The following TRHDE variants were observed in gnomAD, a reference collection of about 807,000 sequenced individuals.
TRHDE encodes thyrotropin-releasing hormone-degrading ectoenzyme.
A neutral mutation model predicts 125.7 loss-of-function variants in TRHDE; 72 were observed. The observed-to-expected ratio is 0.57, with a 90% confidence interval of 0.47 to 0.70. TRHDE has a LOEUF of 0.70. Among genes scored for constraint, TRHDE ranks in the 30% least tolerant of loss-of-function variants. TRHDE has a pLI of 0.00. For synonymous variants in TRHDE, 509 were observed against 509.1 expected (o/e 1.00, Z 0.00); for missense variants, 1,110 against 1,327.1 (o/e 0.84, Z 2.54).
At chr12:72,230,710 A>AGACC (rs1878230662) in intron 2 of TRHDE, among the ~76,000 whole-genome samples, 1 of 152,122 alleles carries the variant, frequency 6.6e-6, no homozygotes, top group Admixed American at 6.6e-5. Flanking sequence ...GGACACAGAA[A>AGACC]GACCCATCGA....
At chr12:72,400,592 C>T (rs1198565022) in intron 3 of TRHDE, among the ~76,000 whole-genome samples, 1 of 152,094 alleles carries the variant, frequency 6.6e-6, no homozygotes, top group Admixed American at 6.6e-5. Flanking sequence ...GCAGAAATAC[C>T]TTTCAAGCTA....
At chr12:72,110,091 G>A (rs1197428368) in intron 2 of TRHDE, among the ~76,000 whole-genome samples, 1 of 152,038 alleles carries the variant, frequency 6.6e-6, no homozygotes, top group Admixed American at 6.6e-5. Context: ...ACTTTAATAA[G>A]AGAAAATGGG....
intron 2 of TRHDE, among the ~76,000 whole-genome samples, chr12:72,151,887 T>C (rs1876376054): frequency 1.3e-5 from 2 of 152,316 alleles, no homozygotes; most frequent in African/African-American, 4.8e-5. Context: ...AGGCTCTTTT[T>C]TGGTTCCATA....
intron 2 of TRHDE, among the ~76,000 whole-genome samples, chr12:72,234,114 G>C (rs1016727080): frequency 6.6e-6 from 1 of 152,270 alleles, no homozygotes. Context: ...TGTAAAGCTT[G>C]CTGATGAGAT....
chr12:72,519,669 T>C (rs1156393705), intron 6 of TRHDE, among the ~76,000 whole-genome samples: 1 of 152,242 alleles, frequency 6.6e-6, no homozygotes, highest in Non-Finnish European at 1.5e-5. Context: ...CCGTCCAGCT[T>C]TATTCCATTG....
intron 2 of TRHDE, among the ~76,000 whole-genome samples, chr12:72,224,764 T>A (rs1484827): frequency 0.76 from 116,179 of 152,050 alleles, 44,668 homozygotes; most frequent in Non-Finnish European, 0.78. Context: ...TTTGCAGCAT[T>A]TGTATTTTAT....
intron 2 of TRHDE, among the ~76,000 whole-genome samples, chr12:72,176,644 C>T (rs1469200058): frequency 2.0e-5 from 3 of 151,792 alleles, no homozygotes; most frequent in African/African-American, 7.3e-5. Context: ...CACGTGTAGC[C>T]GATGTTATCT....
chr12:72,089,856 A>G (rs566867176), intron 1 of TRHDE, among the ~76,000 whole-genome samples: 1 of 152,350 alleles, frequency 6.6e-6, no homozygotes, highest in East Asian at 1.9e-4. Context: ...TCTGATAGAC[A>G]CTAAGAACCT....
chr12:72,162,884 G>T (rs1403167142), intron 2 of TRHDE: 1 of 149,706 alleles, frequency 6.7e-6, no homozygotes, highest in Non-Finnish European at 1.5e-5. Context: ...GCATGAGGAA[G>T]AAAAGGACTT....
At chr12:72,155,498 C>T (rs1259896809) in intron 2 of TRHDE, among the ~76,000 whole-genome samples, 1 of 152,174 alleles carries the variant, frequency 6.6e-6, no homozygotes, top group East Asian at 1.9e-4. Context: ...TTTTTCTGCT[C>T]TGTTTTTTCC....
chr12:72,460,967 C>A (rs1295585945), intron 3 of TRHDE, among the ~76,000 whole-genome samples: 1 of 151,908 alleles, frequency 6.6e-6, no homozygotes, highest in Admixed American at 6.6e-5. Context: ...TCTTCCATTG[C>A]AATTGACAGT....
intron 1 of TRHDE, among the ~76,000 whole-genome samples, chr12:72,097,122 C>A (rs1264593921): frequency 6.6e-6 from 1 of 152,194 alleles, no homozygotes; most frequent in East Asian, 1.9e-4. Context: ...AGGTGGTTTT[C>A]TCAAAAGAAA....
chr12:72,176,611 A>C (rs1451769645), intron 2 of TRHDE, among the ~76,000 whole-genome samples: 1 of 152,196 alleles, frequency 6.6e-6, no homozygotes, highest in Non-Finnish European at 1.5e-5. Context: ...TTTTTCTAAG[A>C]AACTGTTATT....
At chr12:72,327,019 C>A (rs893742086) in intron 2 of TRHDE, among the ~76,000 whole-genome samples, 8 of 152,068 alleles carry the variant, frequency 5.3e-5, no homozygotes, top group African/African-American at 1.7e-4. Context: ...TTCCTTTAAG[C>A]ATACATTTTT....
At chr12:72,439,515 G>A (rs889946044) in intron 3 of TRHDE, among the ~76,000 whole-genome samples, 1 of 149,102 alleles carries the variant, frequency 6.7e-6, no homozygotes, top group Non-Finnish European at 1.5e-5. Flanking sequence ...CACTTCCTTG[G>A]TTAAATCCAT....
intron 6 of TRHDE, among the ~76,000 whole-genome samples, chr12:72,500,056 C>T (rs566228901): frequency 5.9e-5 from 9 of 152,034 alleles, no homozygotes; most frequent in African/African-American, 1.7e-4. Flanking sequence ...ATGATGCATG[C>T]ATCTTATAAA....
Position 72,174,639 on chromosome 12 carries a change from A to T in TRHDE, n.279+68887A>T, listed in dbSNP as rs183387326. On this transcript the variant is annotated intron_variant and non_coding_transcript_variant, in intron 2 of 4. Coordinates refer to the TRHDE transcript ENST00000548156. ...TGGATAGCACAGAGCAATTATTTTG[A>T]AGAACGTCTTTTAGTTGGAATTTGT... Among the ~76,000 whole-genome samples the T allele has an allele frequency of 3.4e-3, 521 of 152,262 alleles. 2 individuals carry two copies. Among genetic ancestry groups the T allele is most frequent in the South Asian group, 9.5e-3 (46 of 4,822 alleles).
chr12:72,520,456 C>A (rs1879135899), intron 6 of TRHDE, among the ~76,000 whole-genome samples: 1 of 152,140 alleles, frequency 6.6e-6, no homozygotes, highest in African/African-American at 2.4e-5. Flanking sequence ...ACTCCCTGAC[C>A]CTTTGCGCTT....
At chr12:72,639,715 C>T (rs1225881096) in intron 15 of TRHDE, among the ~76,000 whole-genome samples, 54 of 152,150 alleles carry the variant, frequency 3.5e-4, no homozygotes, top group Middle Eastern at 3.4e-3. Flanking sequence ...AGTTTTCCTT[C>T]TAACAGACAG....
Sources: allele counts gnomAD v4.1 joint callset (sites outside exome capture counted in the v4.1 genomes callset), GRCh38; gene constraint gnomAD v4.1.1; transcripts MANE v1.5; gene names NCBI Gene and HGNC (gene_info 2026-07-23, HGNC 2026-07-21).